Variants in CD82 observed in about 807,000 individuals in gnomAD.
CD82 encodes CD82 molecule.
In CD82, 36 loss-of-function variants were observed where a neutral mutation model predicts 37.4. The observed-to-expected ratio is 0.96, with a 90% CI of 0.74 to 1.27. CD82 has a LOEUF of 1.27. Ranked by LOEUF, CD82 falls within the 50% of genes most tolerant of loss-of-function variation. The pLI is 0.00. For synonymous variants in CD82, 158 were observed against 137.4 expected (o/e 1.15, Z -1.05); for missense variants, 340 against 347.0 (o/e 0.98, Z 0.16).
intron 4 of CD82, 172 bp from the exon 5 acceptor site, chr11:44,604,886 G>T: frequency 2.5e-6 from 2 of 798,792 alleles, no homozygotes; most frequent in Non-Finnish European, 4.1e-6. Flanking sequence ...AGGGACACAA[G>T]TGGGGATGGG....
At chr11:44,603,787 C>G (rs1283347174) in intron 4 of CD82, among the ~76,000 whole-genome samples, 2 of 152,166 alleles carry the variant, frequency 1.3e-5, no homozygotes, top group Non-Finnish European at 2.9e-5. Context: ...CTCTACCTCC[C>G]GGAATGGGCC....
chr11:44,590,610 CAAAAA>C lies in CD82; in HGVS notation c.-21+3070_-21+3074del, dbSNP rs56665683. ...TGGGCAACAGAGGGAGATTCTGTCTCAAAAAAAAAAAAAAAAAAAAGATGAAATCT... is the reference window on the plus strand; with the variant it reads ...TGGGCAACAGAGGGAGATTCTGTCTCAAAAAAAAAAAAAAAGATGAAATCT... On this transcript the variant is annotated intron_variant, in intron 2 of 9. Coordinates refer to ENST00000227155, the MANE Select transcript of CD82 (RefSeq NM_002231.4). 3.0e-4 allele frequency among the ~76,000 whole-genome samples: 10 copies of C among 33,450 alleles called. 1 individual carries two copies. The highest frequency in any genetic ancestry group is 5.2e-4 in the Admixed American group (1 of 1,912). The allele number at this position is 33,450 out of a possible 152,430, so 21.9% of individuals were successfully genotyped here.
At chr11:44,587,157 T>C in intron 1 of CD82, 2 of 338,050 alleles carry the variant, frequency 5.9e-6, no homozygotes, top group Non-Finnish European at 1.2e-5. Context: ...ATTGGGTGTT[T>C]AGGGAGGGCC....
chr11:44,577,008 C>T (rs1374314148), intron 1 of CD82, among the ~76,000 whole-genome samples: 1 of 152,076 alleles, frequency 6.6e-6, no homozygotes, highest in African/African-American at 2.4e-5. Flanking sequence ...TGAAGGATCC[C>T]AGAGCTCTTA....
chr11:44,572,098 T>A (rs1319192050), intron 1 of CD82, among the ~76,000 whole-genome samples: 5 of 152,204 alleles, frequency 3.3e-5, no homozygotes, highest in Non-Finnish European at 5.9e-5. Flanking sequence ...CAGGGTTTTA[T>A]TCAGGGGAAG....
intron 1 of CD82, among the ~76,000 whole-genome samples, chr11:44,578,353 C>A (rs1315900015): frequency 6.6e-6 from 1 of 152,144 alleles, no homozygotes; most frequent in African/African-American, 2.4e-5. Flanking sequence ...TGAGGCCCTG[C>A]CTGGTTCTGT....
chr11:44,590,873 G>T (rs1853135883), intron 2 of CD82, among the ~76,000 whole-genome samples: 1 of 152,156 alleles, frequency 6.6e-6, no homozygotes, highest in African/African-American at 2.4e-5. Flanking sequence ...TGAAGTTGAT[G>T]CCACAGCCCA....
intron 1 of CD82, among the ~76,000 whole-genome samples, chr11:44,568,527 C>T (rs1347549642): frequency 4.6e-5 from 6 of 131,384 alleles, no homozygotes; most frequent in East Asian, 2.2e-4. Flanking sequence ...GGGTCGGGGG[C>T]GGGATGGTTA....
intron 6 of CD82, among the ~76,000 whole-genome samples, chr11:44,614,817 G>A (rs530591477): frequency 7.0e-4 from 106 of 152,280 alleles, no homozygotes; most frequent in African/African-American, 2.3e-3. Context: ...CATTCCAGGC[G>A]GTGGGAACAG....
chr11:44,604,591 C>A, intron 4 of CD82: 1 of 180,330 alleles, frequency 5.5e-6, no homozygotes, highest in Non-Finnish European at 1.2e-5. Context: ...ATGTCAGTGG[C>A]CCCTGGAGAA....
intron 1 of CD82, among the ~76,000 whole-genome samples, chr11:44,580,193 C>T (rs1389502239): frequency 6.6e-6 from 1 of 152,230 alleles, no homozygotes; most frequent in Non-Finnish European, 1.5e-5. Context: ...TAGAGACCTG[C>T]TTCTACCCTC....
At position 44,618,620 on chromosome 11, in the gene CD82, A is replaced by G. The variant is rs764046473; in HGVS notation, c.643-20A>G. 5 of 1,596,450 alleles carry G rather than the reference A, an allele frequency of 3.1e-6. No individual in the cohort carries two copies. Among genetic ancestry groups the G allele is most frequent in the Non-Finnish European group, 4.3e-6 (5 of 1,170,150 alleles). Reference sequence around the variant, plus strand: ...GGATGGTGCAGAGCGGGGTGATGTGACCGCATTCTGCCCTTGCAGGGCTGC... The same window carrying G: ...GGATGGTGCAGAGCGGGGTGATGTGGCCGCATTCTGCCCTTGCAGGGCTGC... On this transcript the variant is annotated intron_variant, in intron 8 of 9. Coordinates refer to ENST00000227155, the MANE Select transcript of CD82 (RefSeq NM_002231.4).
intron 1 of CD82, among the ~76,000 whole-genome samples, chr11:44,586,989 C>T (rs1019054783): frequency 1.3e-4 from 20 of 152,144 alleles, no homozygotes; most frequent in Non-Finnish European, 2.2e-4. Context: ...GTGAGGGTGC[C>T]GTGTAACAAC....
At chr11:44,586,797 T>C (rs2134641461) in intron 1 of CD82, among the ~76,000 whole-genome samples, 1 of 152,358 alleles carries the variant, frequency 6.6e-6, no homozygotes, top group South Asian at 2.1e-4. Flanking sequence ...TTTCCTGATC[T>C]CTCTAGACCT....
intron 6 of CD82, among the ~76,000 whole-genome samples, chr11:44,609,582 G>T (rs982461376): frequency 6.6e-6 from 1 of 152,182 alleles, no homozygotes; most frequent in African/African-American, 2.4e-5. Flanking sequence ...TGTCCTCCTT[G>T]CTCTCACCCT....
Position 44,619,241 on chromosome 11 carries a change from AT to A in CD82, c.*116del, listed in dbSNP as rs893249517. The A allele has an allele frequency of 1.9e-5, 16 of 842,118 alleles. No homozygotes were observed. In the Admixed American group the frequency reaches 2.4e-4, roughly 13 times the overall value. The allele number at this position is 842,118 out of a possible 1,614,324, so 52.2% of individuals were successfully genotyped here. A position where few individuals can be genotyped will look rare whatever the true frequency, so the allele number is the denominator to read the frequency against. On this transcript the variant is annotated 3_prime_UTR_variant, in exon 10 of 10. Coordinates refer to ENST00000227155, the MANE Select transcript of CD82 (RefSeq NM_002231.4). ...CTTCACTGCGAAGACCCTCTTGCCC[AT>A]CCTGACTGAAAGTAGGGGGCTTTCT...
chr11:44,609,284 C>A (rs555823167), intron 6 of CD82, among the ~76,000 whole-genome samples: 1 of 152,348 alleles, frequency 6.6e-6, no homozygotes, highest in African/African-American at 2.4e-5. Flanking sequence ...GTCAGGGATT[C>A]TGACTTGTTC....
intron 7 of CD82, among the ~76,000 whole-genome samples, chr11:44,616,597 C>G (rs1853568021): frequency 6.6e-6 from 1 of 152,202 alleles, no homozygotes; most frequent in Admixed American, 6.5e-5. Flanking sequence ...AGTGCTAACA[C>G]TGCCACAGCC....
Position 44,619,056 on chromosome 11 carries a change from G to A in CD82, c.734G>A (p.Gly245Glu), listed in dbSNP as rs1189548465. 2 of 1,613,638 alleles carry A rather than the reference G, an allele frequency of 1.2e-6. No individual in the cohort carries two copies. The highest frequency in any genetic ancestry group is 1.7e-5 in the Admixed American group (1 of 60,002). ...CTCCGCCTCTCCCCACAGCTCCTGG[G>A]GATGGTCCTGTCCATCTGCTTGTGC... is the stretch of plus-strand genomic sequence containing the variant. ...GVGVAIIELL[G>E]MVLSICLCRH... is the part of the protein sequence containing the mutation. Residue 245 changes from glycine (G) to glutamate (E), a missense_variant, in exon 10 of 10, where the codon GGG becomes GAG. Transcript: ENST00000227155.
Sources: gnomAD v4.1 joint callset for allele counts (sites outside exome capture counted in the v4.1 genomes callset) on GRCh38, gnomAD v4.1.1 for gene constraint, MANE v1.5 for transcripts, NCBI Gene and HGNC (gene_info 2026-07-23, HGNC 2026-07-21) for gene names.